The following TNRC6A variants were observed in gnomAD, a reference collection of about 807,000 sequenced individuals.
The protein encoded by TNRC6A is trinucleotide repeat containing adaptor 6A, also known as trinucleotide repeat-containing gene 6A protein.
In TNRC6A, 44 loss-of-function variants were observed where a neutral mutation model predicts 221.2. The observed-to-expected ratio is 0.20, with a 90% CI of 0.16 to 0.26. TNRC6A has a LOEUF of 0.26. TNRC6A is among the 10% of genes least tolerant of loss of function. TNRC6A has a pLI of 1.00. For missense variants in TNRC6A, 2,199 were observed against 2,404.4 expected, an observed-to-expected ratio of 0.91 and a Z score of 1.79; for synonymous variants, 847 against 838.5, an observed-to-expected ratio of 1.01 and a Z score of -0.18.
At chr16:24,765,109 T>C (rs984802090) in intron 4 of TNRC6A, among the ~76,000 whole-genome samples, 2 of 152,330 alleles carry the variant, frequency 1.3e-5, no homozygotes, top group African/African-American at 4.8e-5. Context: ...GAGGAATTGC[T>C]GAGTCATATG....
intron 21 of TNRC6A, chr16:24,819,545 T>TTTTA (rs1174161212): frequency 6.9e-6 from 1 of 145,178 alleles, no homozygotes; most frequent in African/African-American, 2.6e-5. Context: ...TTTTTTGTTT[T>TTTTA]GCCATACAGG....
In TNRC6A at chr16:24,769,715, A is replaced by G. The variant is rs548539023; in HGVS notation, c.164-7218A>G. 6.6e-5 allele frequency among the ~76,000 whole-genome samples: 10 copies of G among 152,308 alleles called. No homozygotes were observed. The South Asian group carries it at 2.1e-3, about 32-fold the overall frequency. Reference sequence around the variant, plus strand: ...AAACTATTGATGCATTCAGCAGCATACTAACCAGTGACCATCATTCTTACT... The same window carrying G: ...AAACTATTGATGCATTCAGCAGCATGCTAACCAGTGACCATCATTCTTACT... On this transcript the variant is annotated intron_variant, in intron 4 of 24. Coordinates refer to ENST00000395799, the MANE Select transcript of TNRC6A (RefSeq NM_014494.4).
At chr16:24,646,217 C>T (rs1902281886) in intron 2 of TNRC6A, among the ~76,000 whole-genome samples, 1 of 152,168 alleles carries the variant, frequency 6.6e-6, no homozygotes, top group Non-Finnish European at 1.5e-5. Context: ...TTAAGTCACA[C>T]TGCCATGTTT....
At chr16:24,799,389 C>T (rs895100037) in intron 11 of TNRC6A, among the ~76,000 whole-genome samples, 2 of 152,116 alleles carry the variant, frequency 1.3e-5, no homozygotes, top group African/African-American at 4.8e-5. Context: ...ACAATGGCAA[C>T]GCAACTCTGT....
rs1430583523 is a variant in TNRC6A at position 24,825,785 on chromosome 16, G to A, written c.*1978G>A. 3 of 152,644 alleles carry A rather than the reference G, an allele frequency of 2.0e-5. No individual in the cohort carries two copies. In the East Asian group the frequency reaches 5.8e-4, roughly 29 times the overall value. The allele number at this position is 152,644 out of a possible 1,614,324, so 9.5% of individuals were successfully genotyped here. A position where few individuals can be genotyped will look rare whatever the true frequency, so the allele number is the denominator to read the frequency against. ...GAACATGAAGCTTAATGACTTGACA[G>A]TGTACTAGTGTTAAACTCTCATACC... On this transcript the variant is annotated 3_prime_UTR_variant, in exon 25 of 25. Transcript: ENST00000395799.
intron 2 of TNRC6A, among the ~76,000 whole-genome samples, chr16:24,644,081 A>ATTTTTTTTTTTT (rs748251760): frequency 1.5e-4 from 12 of 81,556 alleles, no homozygotes; most frequent in African/African-American, 1.6e-4. Context: ...CTTATCTTTA[A>ATTTTTTTTTTTT]TTTTTTTTTT....
At chr16:24,760,246 T>A (rs954673207) in intron 4 of TNRC6A, among the ~76,000 whole-genome samples, 1 of 152,226 alleles carries the variant, frequency 6.6e-6, no homozygotes. Flanking sequence ...GTACCATTGA[T>A]CTCTCCCTTT....
chr16:24,729,389 G>A (rs1426347809), upstream of TNRC6A, among the ~76,000 whole-genome samples: 2 of 149,584 alleles, frequency 1.3e-5, no homozygotes, highest in African/African-American at 4.9e-5. Context: ...AGAAGGAGGA[G>A]GAGGGGAGGG....
rs1355198123 is a variant in TNRC6A, at chr16:24,824,409, G to C, written c.*602G>C. ...GAAAGTGTTGCACCAGTTTTTTCAT[G>C]TTGTAAAACTAAAGAATTTCGCTCT... is the stretch of plus-strand genomic sequence containing the variant. On this transcript the variant is annotated 3_prime_UTR_variant, in exon 25 of 25. Transcript: ENST00000395799. 3 of 152,456 alleles carry C rather than the reference G, an allele frequency of 2.0e-5. No individual in the cohort carries two copies. Among genetic ancestry groups the C allele is most frequent in the Non-Finnish European group, 4.4e-5 (3 of 68,008 alleles). The allele number at this position is 152,456 out of a possible 1,614,324, so 9.4% of individuals were successfully genotyped here.
chr16:24,661,347 T>C (rs1246812001), intron 2 of TNRC6A: 3 of 152,254 alleles, frequency 2.0e-5, no homozygotes, highest in Middle Eastern at 3.4e-3. Flanking sequence ...TTTTTTTTGT[T>C]TTCAACCAAA....
At position 24,825,803 on chromosome 16, in the gene TNRC6A, C is replaced by T. The variant is rs918883359; in HGVS notation, c.*1996C>T. On this transcript the variant is annotated 3_prime_UTR_variant, in exon 25 of 25. Transcript: ENST00000395799. ...CTTGACAGTGTACTAGTGTTAAACTCTCATACCTCTGTTACAAAGCGAGAA... is the reference window on the plus strand; with the variant it reads ...CTTGACAGTGTACTAGTGTTAAACTTTCATACCTCTGTTACAAAGCGAGAA... The T allele has an allele frequency of 3.3e-5, 5 of 152,634 alleles. No homozygotes were observed. Among genetic ancestry groups the T allele is most frequent in the African/African-American group, 1.2e-4 (5 of 41,438 alleles). The allele number at this position is 152,634 out of a possible 1,614,324, so 9.5% of individuals were successfully genotyped here.
In TNRC6A at chr16:24,789,930, G is replaced by A; in HGVS notation, c.1288G>A (p.Glu430Lys). Residue 430 changes from glutamate to lysine, a missense_variant, in exon 6 of 25, where the codon GAA (glutamate) becomes AAA (lysine). Glu to Lys is a moderately conservative substitution (Grantham distance 56). Transcript: ENST00000395799. ...AAGCCTTCAGGAAACTTGTGAATCT[G>A]AAGTAAGTGGTACACAGAAGGTTTC... The part of the protein sequence containing the change: ...WGSLQETCES[E>K]VSGTQKVSFS... 1 of 1,613,854 alleles carries A rather than the reference G, an allele frequency of 6.2e-7. No individual in the cohort carries two copies. Among genetic ancestry groups the A allele is most frequent in the Non-Finnish European group, 8.5e-7 (1 of 1,179,942 alleles).
intron 1 of TNRC6A, among the ~76,000 whole-genome samples, chr16:24,633,902 C>A (rs1461790169): frequency 2.0e-5 from 3 of 151,966 alleles, no homozygotes; most frequent in Non-Finnish European, 4.4e-5. Flanking sequence ...ATGTCAGCCT[C>A]CTGAGTAGCT....
At chr16:24,798,034 T>C in intron 11 of TNRC6A, 68 bp downstream of exon 11, 2 of 1,407,360 alleles carry the variant, frequency 1.4e-6, no homozygotes, top group African/African-American at 1.4e-5. Flanking sequence ...ATGATTCTAC[T>C]GAAAGAGCCC....
Position 24,614,542 on chromosome 16 carries a change from C to A in TNRC6A, n.276+4058C>A, listed in dbSNP as rs565412666. On this transcript the variant is annotated intron_variant and non_coding_transcript_variant, in intron 1 of 2. Coordinates refer to the TNRC6A transcript ENST00000566108. Reference sequence around the variant, plus strand: ...CTTTGCTTTTTGCTTGGAACAAGCACGGGTCTGTTTTGGATATGGATTAGA... The same window carrying A: ...CTTTGCTTTTTGCTTGGAACAAGCAAGGGTCTGTTTTGGATATGGATTAGA... Among the ~76,000 whole-genome samples the A allele has an allele frequency of 2.6e-5, 4 of 152,238 alleles. No individual in the cohort carries two copies. The South Asian group carries it at 8.3e-4, about 32-fold the overall frequency.
intron 2 of TNRC6A, among the ~76,000 whole-genome samples, chr16:24,694,267 G>A (rs999947192): frequency 2.0e-5 from 3 of 152,028 alleles, no homozygotes; most frequent in African/African-American, 4.8e-5. Context: ...CCAGGCCCCC[G>A]TCTCCGACCT....
At chr16:24,795,651 A>T (rs1283450488) in intron 8 of TNRC6A, 5 of 394,312 alleles carry the variant, frequency 1.3e-5, no homozygotes, top group Admixed American at 4.4e-5. Context: ...AAAATTTTTC[A>T]TTTGGCTGAA....
At chr16:24,675,448 A>G (rs2055389189) in intron 2 of TNRC6A, among the ~76,000 whole-genome samples, 1 of 151,928 alleles carries the variant, frequency 6.6e-6, no homozygotes, top group African/African-American at 2.4e-5. Context: ...TGGGAGGCCG[A>G]GGCAGGTGGA....
chr16:24,781,882 G>A (rs1373268741), intron 5 of TNRC6A, among the ~76,000 whole-genome samples: 2 of 151,590 alleles, frequency 1.3e-5, no homozygotes, highest in African/African-American at 4.9e-5. Context: ...GAGTGCAGTG[G>A]CACGATCTCG....
Sources: allele counts gnomAD v4.1 joint callset (sites outside exome capture counted in the v4.1 genomes callset), GRCh38; gene constraint gnomAD v4.1.1; transcripts MANE v1.5; gene names NCBI Gene and HGNC (gene_info 2026-07-23, HGNC 2026-07-21).